The following CDH18 variants were observed in gnomAD, a reference collection of about 807,000 sequenced individuals.
The protein encoded by CDH18 is cadherin 18, also known as cadherin-18.
Under a neutral mutation model 67.9 loss-of-function variants are expected in CDH18, and 31 were observed. The ratio of observed to expected loss-of-function variants is 0.46; its 90% CI spans 0.34 to 0.62. The LOEUF (loss-of-function observed/expected upper bound fraction) is 0.62, where lower values mean the gene tolerates loss of function less well. CDH18 is among the 20% of genes least tolerant of loss of function. The pLI is 0.01. For missense variants in CDH18, 890 were observed against 975.5 expected (o/e 0.91, Z 1.17); for synonymous variants, 362 against 347.2 (o/e 1.04, Z -0.48).
Position 19,472,946 on chromosome 5 carries a change from A to T in CDH18, c.*280T>A, listed in dbSNP as rs116271722. Reference sequence around the variant, plus strand: ...CAAATATCATTGTTTGGCTTAATTCAGGTATTCTTAATAAACAGTACCACA... The same window carrying T: ...CAAATATCATTGTTTGGCTTAATTCTGGTATTCTTAATAAACAGTACCACA... On this transcript the variant is annotated 3_prime_UTR_variant, in exon 13 of 13. Transcript: ENST00000382275. 1,013 of 297,434 alleles carry T rather than the reference A, an allele frequency of 3.4e-3. 11 individuals are homozygous for T. Among genetic ancestry groups the T allele is most frequent in the African/African-American group, 0.02 (939 of 46,438 alleles). The allele number at this position is 297,434 out of a possible 1,614,324, so 18.4% of individuals were successfully genotyped here. A position where few individuals can be genotyped will look rare whatever the true frequency, so the allele number is the denominator to read the frequency against.
At chr5:20,170,211 T>C (rs1297502741) in intron 2 of CDH18, among the ~76,000 whole-genome samples, 1 of 151,676 alleles carries the variant, frequency 6.6e-6, no homozygotes, top group South Asian at 2.1e-4. Flanking sequence ...CAGTGTGTGT[T>C]GTTCCCCTTC....
chr5:20,360,597 G>T (rs1176869689), intron 1 of CDH18, among the ~76,000 whole-genome samples: 1 of 152,126 alleles, frequency 6.6e-6, no homozygotes, highest in Non-Finnish European at 1.5e-5. Flanking sequence ...CCTTAAAATT[G>T]AATCCAAGCA....
chr5:19,917,501 A>G (rs567957126), intron 2 of CDH18, among the ~76,000 whole-genome samples: 1 of 152,248 alleles, frequency 6.6e-6, no homozygotes, highest in Non-Finnish European at 1.5e-5. Flanking sequence ...CTGTATATTA[A>G]GAGTAAAACT....
intron 2 of CDH18, chr5:19,847,903 T>C (rs1783188064): frequency 6.6e-6 from 1 of 152,198 alleles, no homozygotes; most frequent in African/African-American, 2.4e-5. Flanking sequence ...GCACATCCGC[T>C]GAAGAACCAG....
chr5:20,193,879 G>A lies in CDH18; in HGVS notation c.-518+61565C>T, dbSNP rs529659340. Among the ~76,000 whole-genome samples the A allele has an allele frequency of 2.6e-5, 4 of 152,164 alleles. No homozygotes were observed. The East Asian group carries it at 7.7e-4, about 29-fold the overall frequency. ...TGATTATCTCAACAAATGCAGAACA[G>A]GCCTTTGATAAATTCAACATGCCTT... is the stretch of plus-strand genomic sequence containing the variant. On this transcript the variant is annotated intron_variant, in intron 2 of 14. Coordinates refer to the CDH18 transcript ENST00000507958.
At chr5:20,455,077 G>GAAA (rs60672849) in intron 1 of CDH18, among the ~76,000 whole-genome samples, 3 of 148,104 alleles carry the variant, frequency 2.0e-5, no homozygotes, top group African/African-American at 7.4e-5. Flanking sequence ...ACTGTGAGCA[G>GAAA]AAAAAAAAAA....
At chr5:19,573,907 A>G (rs537726331) in intron 7 of CDH18, among the ~76,000 whole-genome samples, 8 of 152,308 alleles carry the variant, frequency 5.3e-5, no homozygotes, top group Non-Finnish European at 8.8e-5. Flanking sequence ...GGAAGGCTTG[A>G]TGATGTCTAA....
At chr5:19,730,156 C>T (rs1052341040) in intron 4 of CDH18, among the ~76,000 whole-genome samples, 3 of 152,162 alleles carry the variant, frequency 2.0e-5, no homozygotes, top group African/African-American at 4.8e-5. Flanking sequence ...AATACTACTA[C>T]TCTCAGCCTT....
At chr5:20,504,760 ATTTTTTTTTT>A (rs70954666) in intron 1 of CDH18, among the ~76,000 whole-genome samples, 15 of 67,992 alleles carry the variant, frequency 2.2e-4, no homozygotes, top group Admixed American at 1.6e-3. Context: ...ACAAAAGGGA[ATTTTTTTTTT>A]TTTTTTTTTT....
chr5:20,228,997 T>G (rs770432494), intron 2 of CDH18, among the ~76,000 whole-genome samples: 1 of 152,060 alleles, frequency 6.6e-6, no homozygotes, highest in Admixed American at 6.6e-5. Flanking sequence ...TTATGTACAG[T>G]TTCAGGTGTA....
At chr5:19,611,949 C>CGTGTGT (rs3062879) in intron 6 of CDH18, among the ~76,000 whole-genome samples, 44,430 of 138,842 alleles carry the variant, frequency 0.32, 7,728 homozygotes, top group Non-Finnish European at 0.41. Flanking sequence ...TTGGATGATG[C>CGTGTGT]GTGTGTGTGT....
At chr5:19,811,161 G>GAAAGAAA (rs1491122708) in intron 3 of CDH18, among the ~76,000 whole-genome samples, 1,163 of 27,604 alleles carry the variant, frequency 0.042, 247 homozygotes, top group Middle Eastern at 0.13. Context: ...AAAGAAAGAA[G>GAAAGAAA]GAGAGAAAGA....
intron 12 of CDH18, among the ~76,000 whole-genome samples, chr5:19,482,524 TTAAC>T (rs1579705575): frequency 6.6e-6 from 1 of 152,212 alleles, no homozygotes; most frequent in African/African-American, 2.4e-5. Context: ...ACATTAATGA[TTAAC>T]TAATTATTGT....
chr5:20,451,490 C>T (rs767183493), intron 1 of CDH18, among the ~76,000 whole-genome samples: 3 of 152,018 alleles, frequency 2.0e-5, no homozygotes, highest in Non-Finnish European at 4.4e-5. Flanking sequence ...GAATCATGGG[C>T]TTTCAAATTT....
intron 1 of CDH18, among the ~76,000 whole-genome samples, chr5:20,328,707 A>G (rs9292921): frequency 0.11 from 16,514 of 152,066 alleles, 1,469 homozygotes; most frequent in East Asian, 0.36. Flanking sequence ...TTTGATTCCC[A>G]TACCGGGTCA....
intron 1 of CDH18, among the ~76,000 whole-genome samples, chr5:20,368,775 A>T (rs1430989613): frequency 6.6e-6 from 1 of 152,162 alleles, no homozygotes; most frequent in African/African-American, 2.4e-5. Context: ...GCAAGAGCAC[A>T]TTTCAAGTCC....
intron 10 of CDH18, among the ~76,000 whole-genome samples, chr5:19,504,932 T>C (rs1743854285): frequency 6.6e-6 from 1 of 152,166 alleles, no homozygotes. Context: ...TATTATTTTC[T>C]TTACTATACA....
At chr5:19,956,331 C>A (rs2150283992) in intron 2 of CDH18, among the ~76,000 whole-genome samples, 1 of 151,978 alleles carries the variant, frequency 6.6e-6, no homozygotes, top group African/African-American at 2.4e-5. Flanking sequence ...TCTTTTTGAT[C>A]TGTCCACTCT....
chr5:19,955,157 C>T (rs1172796979), intron 2 of CDH18, among the ~76,000 whole-genome samples: 2 of 152,032 alleles, frequency 1.3e-5, no homozygotes, highest in African/African-American at 4.8e-5. Flanking sequence ...TGTTTGCTTC[C>T]CCTTCCACCA....
Sources: allele counts gnomAD v4.1 joint callset (sites outside exome capture counted in the v4.1 genomes callset), GRCh38; gene constraint gnomAD v4.1.1; transcripts MANE v1.5; gene names NCBI Gene and HGNC (gene_info 2026-07-23, HGNC 2026-07-21).